The following RCAN2 variants were observed in gnomAD, a reference collection of about 807,000 sequenced individuals.
The protein encoded by RCAN2 is calcipressin-2.
Under a neutral mutation model 23.6 loss-of-function variants are expected in RCAN2, and 9 were observed. The observed-to-expected ratio is 0.38, with a 90% CI of 0.23 to 0.67. RCAN2 has a LOEUF of 0.67. RCAN2 is among the 30% of genes least tolerant of loss of function. RCAN2 has a pLI of 0.51. For synonymous variants in RCAN2, 109 were observed against 115.7 expected (o/e 0.94, Z 0.37); for missense variants, 273 against 302.3 (o/e 0.90, Z 0.72).
intron 1 of RCAN2, among the ~76,000 whole-genome samples, chr6:46,470,543 T>G (rs1440879355): frequency 6.6e-6 from 1 of 152,230 alleles, no homozygotes; most frequent in Admixed American, 6.5e-5. Flanking sequence ...ATATAGTTAC[T>G]TAATAGCTCT....
At chr6:46,297,372 C>A (rs1214855579) in intron 2 of RCAN2, among the ~76,000 whole-genome samples, 1 of 152,102 alleles carries the variant, frequency 6.6e-6, no homozygotes, top group African/African-American at 2.4e-5. Flanking sequence ...GCTTCTTAGT[C>A]CTGGTATGGT....
At chr6:46,311,219 C>T (rs1763249437) in intron 2 of RCAN2, among the ~76,000 whole-genome samples, 1 of 152,172 alleles carries the variant, frequency 6.6e-6, no homozygotes, top group African/African-American at 2.4e-5. Flanking sequence ...CTGAAGACTA[C>T]ACCCAGTGCT....
chr6:46,368,313 C>T (rs1376275061), intron 2 of RCAN2, among the ~76,000 whole-genome samples: 1 of 152,146 alleles, frequency 6.6e-6, no homozygotes, highest in African/African-American at 2.4e-5. Context: ...TGCACTCTAC[C>T]ACCTTTCTGG....
At chr6:46,409,791 G>A (rs137935125) in intron 2 of RCAN2, among the ~76,000 whole-genome samples, 8 of 152,210 alleles carry the variant, frequency 5.3e-5, no homozygotes, top group South Asian at 4.2e-4. Context: ...GAGATATATC[G>A]TGTGATAGTT....
chr6:46,248,089 T>G (rs1257922947), intron 3 of RCAN2, among the ~76,000 whole-genome samples: 1 of 152,208 alleles, frequency 6.6e-6, no homozygotes, highest in Non-Finnish European at 1.5e-5. Flanking sequence ...GATCAAGGTA[T>G]CTAGTGATGA....
chr6:46,458,384 C>A (rs1357883752), intron 1 of RCAN2, among the ~76,000 whole-genome samples: 1 of 152,034 alleles, frequency 6.6e-6, no homozygotes, highest in Admixed American at 6.6e-5. Context: ...CATTTTCTGG[C>A]AATAATGCAT....
intron 1 of RCAN2, among the ~76,000 whole-genome samples, chr6:46,467,377 T>G (rs1028522871): frequency 2.0e-5 from 3 of 152,114 alleles, no homozygotes; most frequent in Non-Finnish European, 4.4e-5. Context: ...CCTTTTATAG[T>G]GCTGTTTTGA....
In RCAN2 at chr6:46,307,669, A is replaced by G. The variant is rs75930359; in HGVS notation, c.226-58773T>C. On this transcript the variant is annotated intron_variant, in intron 2 of 4. Transcript: ENST00000371374. ...TTCATGGAGCTTGCATTCTAGTGAG[A>G]GGAGACATAATAAACAAAATTGATA... Among the ~76,000 whole-genome samples, 568 of 152,300 alleles carry G rather than the reference A, an allele frequency of 3.7e-3. 12 individuals carry two copies. The East Asian group carries it at 0.038, about 10-fold the overall frequency.
At chr6:46,331,676 G>T (rs536341314) in intron 2 of RCAN2, among the ~76,000 whole-genome samples, 6 of 152,182 alleles carry the variant, frequency 3.9e-5, no homozygotes, top group Non-Finnish European at 1.5e-5. Context: ...CATATTTTAA[G>T]ATATCAATCT....
intron 2 of RCAN2, among the ~76,000 whole-genome samples, chr6:46,354,241 G>C (rs1020743514): frequency 8.0e-5 from 12 of 150,312 alleles, no homozygotes; most frequent in Non-Finnish European, 8.9e-5. Context: ...GTGTGTGTGT[G>C]TGTGTGTGTG....
chr6:46,491,228 C>A lies in RCAN2; in HGVS notation c.-58G>T. 6.6e-6 allele frequency: 1 copy of A among 151,896 alleles called. No homozygotes were observed. The highest frequency in any genetic ancestry group is 1.9e-4 in the South Asian group (1 of 5,270). The allele number at this position is 151,896 out of a possible 1,614,324, so 9.4% of individuals were successfully genotyped here. ...GCGGAGGCGGAGGCGGCGGCTGGGGCGTCTACGGGGGCCAGCTGCTAGCGC... is the reference window on the plus strand; with the variant it reads ...GCGGAGGCGGAGGCGGCGGCTGGGGAGTCTACGGGGGCCAGCTGCTAGCGC... On this transcript the variant is annotated 5_prime_UTR_variant, in exon 1 of 5. Coordinates refer to ENST00000371374, the MANE Select transcript of RCAN2 (RefSeq NM_001251974.2).
intron 1 of RCAN2, among the ~76,000 whole-genome samples, chr6:46,469,302 A>G (rs1452749469): frequency 6.6e-6 from 1 of 152,236 alleles, no homozygotes; most frequent in Non-Finnish European, 1.5e-5. Context: ...TGTTTACAAG[A>G]AAGAGCTGAC....
intron 2 of RCAN2, among the ~76,000 whole-genome samples, chr6:46,406,294 G>A (rs1766405272): frequency 6.6e-6 from 1 of 152,226 alleles, no homozygotes; most frequent in Admixed American, 6.5e-5. Context: ...GAGCAAGCGA[G>A]GGCTCTGAGG....
chr6:46,481,581 A>G (rs1388308385), intron 1 of RCAN2, among the ~76,000 whole-genome samples: 1 of 152,196 alleles, frequency 6.6e-6, no homozygotes, highest in Non-Finnish European at 1.5e-5. Context: ...TGAAAATTGT[A>G]TGCATTTGCT....
At chr6:46,486,973 T>C (rs1046106521) in intron 1 of RCAN2, among the ~76,000 whole-genome samples, 1 of 152,180 alleles carries the variant, frequency 6.6e-6, no homozygotes, top group Admixed American at 6.5e-5. Context: ...TTAATTTAAC[T>C]TACAATATAT....
At chr6:46,405,694 C>T (rs1304083797) in intron 2 of RCAN2, among the ~76,000 whole-genome samples, 1 of 152,250 alleles carries the variant, frequency 6.6e-6, no homozygotes, top group East Asian at 1.9e-4. Context: ...AGGAGCCCAG[C>T]TGGCTTCACC....
intron 2 of RCAN2, among the ~76,000 whole-genome samples, chr6:46,330,930 C>T (rs73452289): frequency 0.034 from 5,126 of 152,272 alleles, 268 homozygotes; most frequent in African/African-American, 0.11. Flanking sequence ...GGCAAGACTC[C>T]TTCCTAGATG....
chr6:46,284,547 A>C (rs1762305722), intron 2 of RCAN2, among the ~76,000 whole-genome samples: 1 of 152,218 alleles, frequency 6.6e-6, no homozygotes, highest in South Asian at 2.1e-4. Flanking sequence ...GACTCAGCTC[A>C]TTTGTTAAGA....
At chr6:46,337,878 G>A (rs1053775032) in intron 2 of RCAN2, among the ~76,000 whole-genome samples, 4 of 152,200 alleles carry the variant, frequency 2.6e-5, no homozygotes, top group African/African-American at 9.7e-5. Context: ...GAACATGACT[G>A]TGGCTGGGCT....
Sources: allele counts gnomAD v4.1 joint callset (sites outside exome capture counted in the v4.1 genomes callset), GRCh38; gene constraint gnomAD v4.1.1; transcripts MANE v1.5; gene names NCBI Gene and HGNC (gene_info 2026-07-23, HGNC 2026-07-21).